The following RERE variants were observed in gnomAD, a reference collection of about 807,000 sequenced individuals.
RERE encodes the protein arginine-glutamic acid dipeptide repeats.
A neutral mutation model predicts 146.1 loss-of-function variants in RERE; 40 were observed. That is an observed-to-expected ratio of 0.27 (90% CI 0.21 to 0.36). The LOEUF (loss-of-function observed/expected upper bound fraction) is 0.36, where lower values mean the gene tolerates loss of function less well. Ranked by LOEUF, RERE falls within the 10% of genes least tolerant of loss-of-function variation. RERE has a pLI of 1.00. For missense variants in RERE, 1,933 were observed against 2,138.7 expected, an observed-to-expected ratio of 0.90 and a Z score of 1.90; for synonymous variants, 1,003 against 866.0, an observed-to-expected ratio of 1.16 and a Z score of -2.78.
chr1:8,506,782 C>G (rs986860112), intron 8 of RERE, among the ~76,000 whole-genome samples: 2 of 152,202 alleles, frequency 1.3e-5, no homozygotes, highest in African/African-American at 4.8e-5. Flanking sequence ...CTTTCTTCCT[C>G]TCAACACTTG....
chr1:8,564,800 GTGTGTGTGTATGTA>G (rs1266525707), intron 4 of RERE, among the ~76,000 whole-genome samples: 3 of 143,812 alleles, frequency 2.1e-5, no homozygotes, highest in Non-Finnish European at 3.1e-5. Context: ...AGAAAATGTG[GTGTGTGTGTATGTA>G]TGTGTGTGTA....
In RERE at chr1:8,481,779, C is replaced by G. The variant is rs115520107; in HGVS notation, c.1104+13284G>C. On this transcript the variant is annotated intron_variant, in intron 10 of 22. Coordinates refer to ENST00000400908, the MANE Select transcript of RERE (RefSeq NM_001042681.2). ...TGGGAAAGAAATGGCTTATCAAAAGCACATATACAAGGAAAAATGAAACAT... is the reference window on the plus strand; with the variant it reads ...TGGGAAAGAAATGGCTTATCAAAAGGACATATACAAGGAAAAATGAAACAT... Among the ~76,000 whole-genome samples the G allele has an allele frequency of 5.2e-3, 790 of 152,196 alleles. 4 individuals carry two copies. The highest frequency in any genetic ancestry group is 0.018 in the African/African-American group (761 of 41,518).
chr1:8,751,434 C>T (rs1640532284), intron 1 of RERE, among the ~76,000 whole-genome samples: 1 of 152,066 alleles, frequency 6.6e-6, no homozygotes, highest in Admixed American at 6.5e-5. Flanking sequence ...ATACCTGGCA[C>T]CTATGGGAAA....
At chr1:8,797,424 G>A (rs139819457) in intron 1 of RERE, among the ~76,000 whole-genome samples, 1 of 151,306 alleles carries the variant, frequency 6.6e-6, no homozygotes, top group Non-Finnish European at 1.5e-5. Flanking sequence ...ATACACGCCA[G>A]ATCATTATTG....
intron 2 of RERE, among the ~76,000 whole-genome samples, chr1:8,637,950 T>C (rs796237211): frequency 7.2e-5 from 11 of 152,356 alleles, no homozygotes; most frequent in African/African-American, 2.6e-4. Flanking sequence ...TCATCACTGC[T>C]GTTTAGAACG....
rs540698497 is a variant in RERE, at chr1:8,598,952, T to C, written c.522+15609A>G. On this transcript the variant is annotated intron_variant, in intron 4 of 22. Coordinates refer to ENST00000400908, the MANE Select transcript of RERE (RefSeq NM_001042681.2). ...TGAAGTAGAGAGTCTTAACTCTCCT[T>C]AGACAGAAGGCAGAAGGCTGCAAAC... Among the ~76,000 whole-genome samples, 7 of 152,328 alleles carry C rather than the reference T, an allele frequency of 4.6e-5. No individual in the cohort carries two copies. The East Asian group carries it at 1.3e-3, about 29-fold the overall frequency.
rs749388919 is a variant in RERE, at chr1:8,563,790, CAT to C, written c.523-6269_523-6268del. On this transcript the variant is annotated intron_variant, in intron 4 of 22. Transcript: ENST00000400908. ...CAGAAATTTGGGATGAAGTGGCTAA[CAT>C]GTGTATACTGTATGGCTTAAAAAGA... Among the ~76,000 whole-genome samples the C allele has an allele frequency of 3.7e-4, 57 of 152,310 alleles. 2 individuals are homozygous for C. Among genetic ancestry groups the C allele is most frequent in the Admixed American group, 2.7e-3 (42 of 15,302 alleles).
At chr1:8,581,716 GATCAT>G (rs1646368076) in intron 4 of RERE, among the ~76,000 whole-genome samples, 1 of 152,118 alleles carries the variant, frequency 6.6e-6, no homozygotes, top group Non-Finnish European at 1.5e-5. Flanking sequence ...AAAATAATTT[GATCAT>G]ATATGTGTGG....
chr1:8,697,903 G>T (rs1639369503), intron 1 of RERE, among the ~76,000 whole-genome samples: 2 of 152,024 alleles, frequency 1.3e-5, no homozygotes, highest in African/African-American at 4.8e-5. Flanking sequence ...AGTAGATCTG[G>T]GTATTGAAAG....
At chr1:8,495,891 A>G (rs1363126895) in intron 9 of RERE, among the ~76,000 whole-genome samples, 1 of 151,484 alleles carries the variant, frequency 6.6e-6, no homozygotes, top group Non-Finnish European at 1.5e-5. Flanking sequence ...GTAAAAAATC[A>G]TGGCTGGGTG....
intron 1 of RERE, among the ~76,000 whole-genome samples, chr1:8,726,223 C>T (rs1436108469): frequency 2.4e-5 from 3 of 127,546 alleles, no homozygotes; most frequent in East Asian, 2.5e-4. Context: ...AGCGTAATTT[C>T]GGCTCACTGC....
intron 19 of RERE, among the ~76,000 whole-genome samples, chr1:8,359,411 T>G (rs1307173702): frequency 6.6e-6 from 1 of 152,138 alleles, no homozygotes; most frequent in Non-Finnish European, 1.5e-5. Flanking sequence ...AGTGCTCAGG[T>G]CTTCTCTCAA....
At chr1:8,525,993 G>A (rs1404627311) in intron 7 of RERE, 22 of 1,316,650 alleles carry the variant, frequency 1.7e-5, no homozygotes, top group South Asian at 2.1e-5. Flanking sequence ...AGCATGTGCT[G>A]TGACCCTCCC....
chr1:8,494,803 C>T (rs1557657450), intron 10 of RERE, among the ~76,000 whole-genome samples: 1 of 152,172 alleles, frequency 6.6e-6, no homozygotes, highest in Non-Finnish European at 1.5e-5. Flanking sequence ...CTTTGTGAGG[C>T]CTCAGTTAAG....
rs779946785 is a variant in RERE, at chr1:8,364,303, CCTGGGGATGT to C, written c.1541-58_1541-49del. ...GCCAACCTTGGAAACCATCCCTCTC[CCTGGGGATGT>C]CTGGGCAGAGGGGCCCTTCTGTGGG... On this transcript the variant is annotated intron_variant, in intron 14 of 22. Transcript: ENST00000400908. The surrounding 1 kb of genome is among the most constrained non-coding windows in gnomAD (Gnocchi z 5.1). 3.9e-6 allele frequency: 6 copies of C among 1,547,164 alleles called. No homozygotes were observed. The highest frequency in any genetic ancestry group is 1.7e-4 in the Middle Eastern group (1 of 5,930).
chr1:8,565,424 T>TCTTATGC (rs1401198757), intron 4 of RERE, among the ~76,000 whole-genome samples: 1 of 152,120 alleles, frequency 6.6e-6, no homozygotes, highest in Non-Finnish European at 1.5e-5. Flanking sequence ...ACTCTAAGAA[T>TCTTATGC]GCCCGGGCAC....
intron 12 of RERE, among the ~76,000 whole-genome samples, chr1:8,388,988 C>T (rs992982985): frequency 6.6e-6 from 1 of 152,222 alleles, no homozygotes; most frequent in Admixed American, 6.5e-5. Flanking sequence ...TTCTGTGTCC[C>T]TGCTCTTCAA....
chr1:8,714,889 T>C (rs1382656263), intron 1 of RERE, among the ~76,000 whole-genome samples: 1 of 152,100 alleles, frequency 6.6e-6, no homozygotes, highest in Non-Finnish European at 1.5e-5. Flanking sequence ...CAATTTTTTT[T>C]TTTAAGACGG....
chr1:8,605,096 T>C (rs967365045), intron 4 of RERE, among the ~76,000 whole-genome samples: 1 of 152,184 alleles, frequency 6.6e-6, no homozygotes, highest in Non-Finnish European at 1.5e-5. Context: ...AATCTACAGT[T>C]ATTCCCTTGA....
Sources: allele counts gnomAD v4.1 joint callset (sites outside exome capture counted in the v4.1 genomes callset), GRCh38; gene constraint gnomAD v4.1.1; non-coding constraint Gnocchi (gnomAD v3.1); transcripts MANE v1.5; gene names NCBI Gene and HGNC (gene_info 2026-07-23, HGNC 2026-07-21).